Variants in ITSN2 observed in about 807,000 individuals in gnomAD.
The protein encoded by ITSN2 is intersectin-2.
ITSN2 carries 156 observed loss-of-function variants against 243.7 expected under a neutral mutation model. That is an observed-to-expected ratio of 0.64 (90% confidence interval 0.56 to 0.73). The LOEUF (loss-of-function observed/expected upper bound fraction) is 0.73, where lower values mean the gene tolerates loss of function less well. ITSN2 is among the 30% of genes least tolerant of loss of function. The pLI is 0.00. For synonymous variants in ITSN2, 703 were observed against 699.9 expected (o/e 1.00, Z -0.07); for missense variants, 1,801 against 1,996.1 (o/e 0.90, Z 1.86).
chr2:24,276,071 C>T (rs1452426054), intron 17 of ITSN2, among the ~76,000 whole-genome samples: 1 of 152,108 alleles, frequency 6.6e-6, no homozygotes, highest in African/African-American at 2.4e-5. Flanking sequence ...ACTTTTCCAT[C>T]AGTTCATTTC....
rs182834240 is a variant in ITSN2 at position 24,285,718 on chromosome 2, C to T, written c.1863+494G>A. On this transcript the variant is annotated intron_variant, in intron 16 of 39. Transcript: ENST00000355123. ...CGGCAAACAATGAATCATTAACTTG[C>T]TTTTTGTGCAAAGTTTATAGTGCCA... 4.0e-3 allele frequency among the ~76,000 whole-genome samples: 613 copies of T among 152,300 alleles called. 2 individuals carry two copies. Among genetic ancestry groups the T allele is most frequent in the South Asian group, 0.014 (66 of 4,834 alleles).
intron 1 of ITSN2, among the ~76,000 whole-genome samples, chr2:24,351,970 A>G (rs1284865829): frequency 6.6e-6 from 1 of 152,236 alleles, no homozygotes; most frequent in Non-Finnish European, 1.5e-5. Flanking sequence ...TGAGGTTGCT[A>G]AGATCTACAG....
intron 29 of ITSN2, among the ~76,000 whole-genome samples, chr2:24,244,836 G>T (rs1289034304): frequency 6.6e-6 from 1 of 152,088 alleles, no homozygotes; most frequent in Non-Finnish European, 1.5e-5. Flanking sequence ...TTATGTAAAG[G>T]GAAGGTTTCT....
intron 29 of ITSN2, among the ~76,000 whole-genome samples, chr2:24,228,316 A>C (rs1671241443): frequency 6.6e-6 from 1 of 152,218 alleles, no homozygotes; most frequent in South Asian, 2.1e-4. Flanking sequence ...TTTACCACTA[A>C]TAGACATGAC....
intron 25 of ITSN2, among the ~76,000 whole-genome samples, chr2:24,251,867 CCT>C (rs1674375471): frequency 6.6e-6 from 1 of 151,996 alleles, no homozygotes; most frequent in Non-Finnish European, 1.5e-5. Context: ...CTATGGGGTT[CCT>C]CAATAATTTT....
At chr2:24,265,586 T>C (rs954282046) in intron 20 of ITSN2, among the ~76,000 whole-genome samples, 11 of 152,190 alleles carry the variant, frequency 7.2e-5, no homozygotes, top group Non-Finnish European at 1.3e-4. Flanking sequence ...TTTTACTCTA[T>C]GGTAAGCCAC....
intron 2 of ITSN2, among the ~76,000 whole-genome samples, chr2:24,326,923 G>A (rs577251579): frequency 2.3e-4 from 35 of 152,190 alleles, no homozygotes; most frequent in Non-Finnish European, 3.2e-4. Flanking sequence ...AACACTAGAC[G>A]GTAATATCAA....
intron 29 of ITSN2, among the ~76,000 whole-genome samples, chr2:24,236,947 G>C (rs1162663775): frequency 6.7e-6 from 1 of 149,600 alleles, no homozygotes; most frequent in Non-Finnish European, 1.5e-5. Context: ...CACCCACCTT[G>C]GCCTCTCAAA....
chr2:24,342,631 G>A lies in ITSN2; in HGVS notation c.-33-14516C>T, dbSNP rs144278204. On this transcript the variant is annotated intron_variant, in intron 1 of 39. Transcript: ENST00000355123. ...CAAATCAGTTCCCATGACTCAACCA[G>A]ATATGTGCATTTCAGCTTGCATTCA... is the stretch of plus-strand genomic sequence containing the variant. Among the ~76,000 whole-genome samples, 115 of 151,178 alleles carry A rather than the reference G, an allele frequency of 7.6e-4. 1 individual carries two copies. The highest frequency in any genetic ancestry group is 5.9e-3 in the Admixed American group (89 of 15,074).
chr2:24,212,753 A>C lies in ITSN2; in HGVS notation c.3991-5T>G, dbSNP rs1669614598. The C allele has an allele frequency of 2.5e-6, 4 of 1,612,322 alleles. No individual in the cohort carries two copies. The highest frequency in any genetic ancestry group is 1.7e-4 in the Middle Eastern group (1 of 6,054). ...CCGCGGGTCAGATGCCAGCTTCTGC[A>C]AAACAACAGTGAGGCTCGTGAGGAA... is the stretch of plus-strand genomic sequence containing the variant. On this transcript the variant is annotated splice_region_variant and splice_polypyrimidine_tract_variant and intron_variant, in intron 32 of 39. Coordinates refer to ENST00000355123, the MANE Select transcript of ITSN2 (RefSeq NM_006277.3).
In ITSN2 at chr2:24,203,523, G is replaced by T. The variant is rs576617123; in HGVS notation, c.*103C>A. The T allele has an allele frequency of 2.0e-5, 23 of 1,169,618 alleles. No homozygotes were observed. In the African/African-American group the frequency reaches 3.4e-4, roughly 17 times the overall value. 72.5% of individuals were successfully genotyped at this position (1,169,618 alleles called of 1,614,324 possible). A position where few individuals can be genotyped will look rare whatever the true frequency, so the allele number is the denominator to read the frequency against. On this transcript the variant is annotated 3_prime_UTR_variant, in exon 40 of 40. Transcript: ENST00000355123. ...CCCCCAGCGTGCATGGCTTTGTGAG[G>T]GGTGAAGCTGCATGGTGCTCCCTCA...
At chr2:24,301,859 A>T (rs113862045) in intron 10 of ITSN2, 106 bp downstream of exon 10, 3 of 1,105,518 alleles carry the variant, frequency 2.7e-6, no homozygotes, top group Non-Finnish European at 3.8e-6. Flanking sequence ...TTCAAGTATA[A>T]CTTGTTGAAT....
At chr2:24,210,689 G>T in intron 34 of ITSN2, 91 bp downstream of exon 34, 1 of 1,219,836 alleles carries the variant, frequency 8.2e-7, no homozygotes, top group Non-Finnish European at 1.2e-6. Flanking sequence ...GGCTGCCTAA[G>T]GTGCAGACTG....
At chr2:24,318,957 A>G (rs188247144) in intron 2 of ITSN2, among the ~76,000 whole-genome samples, 79 of 152,258 alleles carry the variant, frequency 5.2e-4, no homozygotes, top group Admixed American at 3.5e-3. Context: ...CACAAACCCT[A>G]TTGTGAACTG....
Position 24,203,581 on chromosome 2 carries a change from C to A in ITSN2, c.*45G>T. The A allele has an allele frequency of 6.3e-7, 1 of 1,581,928 alleles. No homozygotes were observed. The stretch of plus-strand genomic sequence containing the variant: ...GAGAGCGCAGTCTCTCATTCTCCAG[C>A]CCCAGCCTTGTGGGCTGTCCCGCTG... On this transcript the variant is annotated 3_prime_UTR_variant, in exon 40 of 40. Coordinates refer to ENST00000355123, the MANE Select transcript of ITSN2 (RefSeq NM_006277.3).
intron 29 of ITSN2, among the ~76,000 whole-genome samples, chr2:24,222,458 T>G (rs1436959654): frequency 6.6e-6 from 1 of 151,906 alleles, no homozygotes; most frequent in African/African-American, 2.4e-5. Flanking sequence ...CACAAAAAAA[T>G]AGTCCTGCAA....
intron 17 of ITSN2, among the ~76,000 whole-genome samples, chr2:24,281,052 G>C (rs754156283): frequency 1.2e-4 from 18 of 152,168 alleles, no homozygotes; most frequent in Non-Finnish European, 2.4e-4. Flanking sequence ...TTCTGAGACA[G>C]AGTTTTGCTC....
At chr2:24,220,576 T>G in intron 30 of ITSN2, 5 of 1,081,420 alleles carry the variant, frequency 4.6e-6, no homozygotes, top group Non-Finnish European at 4.5e-6. Flanking sequence ...AAACAGATAT[T>G]AGGCAAATAT....
chr2:24,337,454 G>T (rs1686576263), intron 1 of ITSN2, among the ~76,000 whole-genome samples: 2 of 147,510 alleles, frequency 1.4e-5, no homozygotes, highest in Admixed American at 6.8e-5. Flanking sequence ...GGGTTCAAGT[G>T]ATTCTCCTGC....
Sources: gnomAD v4.1 joint callset for allele counts (sites outside exome capture counted in the v4.1 genomes callset) on GRCh38, gnomAD v4.1.1 for gene constraint, MANE v1.5 for transcripts, NCBI Gene and HGNC (gene_info 2026-07-23, HGNC 2026-07-21) for gene names.